The following WDR27 variants were observed in gnomAD, a reference collection of about 807,000 sequenced individuals.
WDR27 encodes the protein WD repeat domain 27, also known as WD repeat-containing protein 27.
Under a neutral mutation model 114.4 loss-of-function variants are expected in WDR27, and 100 were observed. That is an observed-to-expected ratio of 0.87 (90% CI 0.74 to 1.03). The LOEUF (loss-of-function observed/expected upper bound fraction) is 1.03. Among genes scored for constraint, WDR27 ranks in the 50% least tolerant of loss-of-function variants. The probability of loss-of-function intolerance (pLI) is 0.00; values close to 1 mark genes in which losing one functional copy is unlikely to be tolerated. For missense variants in WDR27, 1,129 were observed against 1,092.9 expected (o/e 1.03, Z -0.47); for synonymous variants, 449 against 423.1 (o/e 1.06, Z -0.75).
intron 25 of WDR27, among the ~76,000 whole-genome samples, chr6:169,553,518 T>A (rs1798473713): frequency 6.6e-6 from 1 of 152,144 alleles, no homozygotes; most frequent in Non-Finnish European, 1.5e-5. Flanking sequence ...AGTAGGAGGA[T>A]TTCTGGTCTT....
intron 21 of WDR27, among the ~76,000 whole-genome samples, chr6:169,621,521 T>C (rs1226117382): frequency 1.4e-5 from 2 of 139,578 alleles, no homozygotes; most frequent in African/African-American, 6.0e-5. Context: ...TTCACACATA[T>C]ACATACACAC....
At chr6:169,443,030 G>A in the WDR27 span, among the ~76,000 whole-genome samples, 1 of 152,346 alleles carries the variant, frequency 6.6e-6, no homozygotes, top group East Asian at 1.9e-4. Flanking sequence ...AATGTGATGA[G>A]CATTTAAAGA....
chr6:169,657,286 CA>C (rs1171171373), intron 13 of WDR27, among the ~76,000 whole-genome samples: 2 of 152,210 alleles, frequency 1.3e-5, no homozygotes, highest in African/African-American at 4.8e-5. Flanking sequence ...GGCCTGATTT[CA>C]AAAAGTCTGG....
intron 25 of WDR27, among the ~76,000 whole-genome samples, chr6:169,570,517 T>G (rs1455367944): frequency 6.6e-6 from 1 of 152,192 alleles, no homozygotes; most frequent in East Asian, 1.9e-4. Flanking sequence ...TTCTCAGCAG[T>G]CCTTTCTGTT....
intron 21 of WDR27, among the ~76,000 whole-genome samples, chr6:169,621,459 C>G (rs1474010528): frequency 1.3e-5 from 2 of 152,108 alleles, no homozygotes; most frequent in Admixed American, 6.6e-5. Flanking sequence ...CATGCACACA[C>G]ACATATACAT....
chr6:169,496,184 G>A (rs1343354776), intron 25 of WDR27, among the ~76,000 whole-genome samples: 5 of 151,924 alleles, frequency 3.3e-5, no homozygotes, highest in African/African-American at 1.2e-4. Flanking sequence ...ATCTCAATTG[G>A]TGCAGGAAAA....
At chr6:169,598,127 T>C (rs1472324840) in intron 23 of WDR27, among the ~76,000 whole-genome samples, 2 of 152,190 alleles carry the variant, frequency 1.3e-5, no homozygotes, top group Admixed American at 6.5e-5. Flanking sequence ...GTGCTGAACC[T>C]GAATATGAAG....
chr6:169,475,486 G>A (rs192024802), intron 25 of WDR27, among the ~76,000 whole-genome samples: 7 of 152,276 alleles, frequency 4.6e-5, no homozygotes, highest in Non-Finnish European at 7.4e-5. Flanking sequence ...GCCTCCCAAC[G>A]TGCCAGGATT....
At chr6:169,688,138 ATG>A (rs1783514315) in intron 2 of WDR27, among the ~76,000 whole-genome samples, 1 of 152,208 alleles carries the variant, frequency 6.6e-6, no homozygotes, top group Admixed American at 6.5e-5. Context: ...TATAATAAAA[ATG>A]TATTTTTATT....
intron 23 of WDR27, among the ~76,000 whole-genome samples, chr6:169,600,255 T>C (rs1807687494): frequency 6.6e-6 from 1 of 152,200 alleles, no homozygotes; most frequent in Non-Finnish European, 1.5e-5. Context: ...CTGAGGGTCC[T>C]GACTGTTAGA....
chr6:169,454,722 A>G (rs1253297483), downstream of WDR27, among the ~76,000 whole-genome samples: 1 of 152,232 alleles, frequency 6.6e-6, no homozygotes, highest in Non-Finnish European at 1.5e-5. Flanking sequence ...GCCCCATGAC[A>G]TGTGCCACAT....
intron 1 of WDR27, among the ~76,000 whole-genome samples, chr6:169,694,145 T>TA (rs1478698420): frequency 6.6e-6 from 1 of 151,964 alleles, no homozygotes; most frequent in Non-Finnish European, 1.5e-5. Context: ...CCCTCTCTAC[T>TA]AAAAATACAA....
At chr6:169,632,189 C>CAAAAA in intron 21 of WDR27, among the ~76,000 whole-genome samples, 1 of 63,886 alleles carries the variant, frequency 1.6e-5, no homozygotes, top group Non-Finnish European at 3.3e-5. Flanking sequence ...GACTCTGTCT[C>CAAAAA]AAAAAAAAAA....
intron 25 of WDR27, among the ~76,000 whole-genome samples, chr6:169,548,974 A>AT (rs1242158535): frequency 6.6e-6 from 1 of 152,188 alleles, no homozygotes; most frequent in Non-Finnish European, 1.5e-5. Flanking sequence ...ATAGAAGAAA[A>AT]CCTAGATGAC....
Position 169,636,450 on chromosome 6 carries a change from C to T in WDR27, c.1924G>A (p.Ala642Thr), listed in dbSNP as rs1370373361. The T allele has an allele frequency of 6.2e-7, 1 of 1,613,720 alleles. No individual in the cohort carries two copies. Among genetic ancestry groups the T allele is most frequent in the South Asian group, 1.1e-5 (1 of 91,066 alleles). Residue 642 changes from alanine (A) to threonine (T), a missense_variant, in exon 19 of 26, where the codon GCC becomes ACC. Coordinates refer to ENST00000448612, the MANE Select transcript of WDR27 (RefSeq NM_182552.5). ...GGGCCAGAAGATAACAATATAAAGGCATCTATATAATAGAACTGTGCAGAC... is the reference window on the plus strand; with the variant it reads ...GGGCCAGAAGATAACAATATAAAGGTATCTATATAATAGAACTGTGCAGAC... Reference protein sequence around the residue: ...IQSAQFYYIDAFILLSSGPEF... With the variant: ...IQSAQFYYIDTFILLSSGPEF...
At chr6:169,637,017 A>G (rs1232832775) in intron 18 of WDR27, among the ~76,000 whole-genome samples, 1 of 152,202 alleles carries the variant, frequency 6.6e-6, no homozygotes, top group Non-Finnish European at 1.5e-5. Context: ...CTTTCTATAA[A>G]AGACGCAAAG....
chr6:169,641,922 A>T (rs890476982), intron 17 of WDR27, among the ~76,000 whole-genome samples: 1 of 152,252 alleles, frequency 6.6e-6, no homozygotes, highest in Non-Finnish European at 1.5e-5. Context: ...TGTGCCAGGC[A>T]CATGCTCGGC....
intron 25 of WDR27, among the ~76,000 whole-genome samples, chr6:169,530,746 C>G (rs916769282): frequency 1.3e-5 from 2 of 152,230 alleles, no homozygotes; most frequent in African/African-American, 4.8e-5. Context: ...AACATCGAAC[C>G]TCTCCATTCT....
intron 23 of WDR27, among the ~76,000 whole-genome samples, chr6:169,601,205 C>A (rs1262438841): frequency 6.6e-6 from 1 of 152,158 alleles, no homozygotes; most frequent in Non-Finnish European, 1.5e-5. Flanking sequence ...TCATATCCAG[C>A]CAAACTAAGC....
Sources: allele counts gnomAD v4.1 joint callset (sites outside exome capture counted in the v4.1 genomes callset), GRCh38; gene constraint gnomAD v4.1.1; transcripts MANE v1.5; gene names NCBI Gene and HGNC (gene_info 2026-07-23, HGNC 2026-07-21).